Variants in RIPOR2 observed in about 807,000 individuals in gnomAD.
RIPOR2 encodes the protein rho family-interacting cell polarization regulator 2.
Under a neutral mutation model 114.5 loss-of-function variants are expected in RIPOR2, and 39 were observed. The ratio of observed to expected loss-of-function variants is 0.34; its 90% CI spans 0.26 to 0.44. The LOEUF (loss-of-function observed/expected upper bound fraction) is 0.44, where lower values mean the gene tolerates loss of function less well. Ranked by LOEUF, RIPOR2 falls within the 20% of genes least tolerant of loss-of-function variation. RIPOR2 has a pLI of 1.00. For missense variants in RIPOR2, 1,007 were observed against 1,255.1 expected (o/e 0.80, Z 2.99); for synonymous variants, 445 against 484.4 (o/e 0.92, Z 1.07).
chr6:24,980,620 G>C (rs1039747785), intron 1 of RIPOR2, among the ~76,000 whole-genome samples: 4 of 152,204 alleles, frequency 2.6e-5, no homozygotes, highest in Non-Finnish European at 5.9e-5. Context: ...TGTGAATGAG[G>C]AGTCATGTGT....
chr6:24,859,279 A>G (rs1365111351), intron 8 of RIPOR2, among the ~76,000 whole-genome samples: 1 of 152,190 alleles, frequency 6.6e-6, no homozygotes, highest in Non-Finnish European at 1.5e-5. Context: ...GGTGATGTGC[A>G]TGATTTGAAT....
At chr6:24,806,718 A>C (rs904119487) in intron 21 of RIPOR2, among the ~76,000 whole-genome samples, 2 of 152,220 alleles carry the variant, frequency 1.3e-5, no homozygotes, top group African/African-American at 4.8e-5. Context: ...TATGAAACAG[A>C]GTAGAAGTCT....
At chr6:25,017,278 C>T (rs1324090746) in intron 1 of RIPOR2, among the ~76,000 whole-genome samples, 5 of 152,156 alleles carry the variant, frequency 3.3e-5, no homozygotes, top group African/African-American at 1.2e-4. Context: ...ACTGAGATTG[C>T]GCCACTGCAC....
chr6:24,865,406 C>T lies in RIPOR2; in HGVS notation c.546G>A (p.Gln182=), dbSNP rs1764497963. 1.2e-6 allele frequency: 2 copies of T among 1,613,476 alleles called. No individual in the cohort carries two copies. Among genetic ancestry groups the T allele is most frequent in the African/African-American group, 2.7e-5 (2 of 74,922 alleles). The change falls in exon 7 of 22, where the codon CAG becomes CAA. Residue 182 remains glutamine, a synonymous_variant. Coordinates refer to ENST00000643898, the MANE Select transcript of RIPOR2 (RefSeq NM_001286445.3). The part of the protein sequence containing the change: ...YEAYCIQRRL[Q]DGASKMKQAF... The stretch of plus-strand genomic sequence containing the variant: ...CTTGCTTCATTTTGCTGGCACCATC[C>T]TGGAGGCGTCGCTGGATACAATAAG...
chr6:24,927,275 T>TCGC (rs1301167739), intron 1 of RIPOR2, among the ~76,000 whole-genome samples: 1 of 2,546 alleles, frequency 3.9e-4, no homozygotes, highest in African/African-American at 3.5e-3. Flanking sequence ...ACAGCTACAA[T>TCGC]CACCACCACC....
At chr6:24,960,029 A>G (rs1182261987) in intron 1 of RIPOR2, among the ~76,000 whole-genome samples, 3 of 152,194 alleles carry the variant, frequency 2.0e-5, no homozygotes, top group Admixed American at 1.3e-4. Flanking sequence ...AACGTGTTAC[A>G]AGTTCAGGGA....
chr6:25,007,035 A>C (rs1269557618), intron 1 of RIPOR2, among the ~76,000 whole-genome samples: 1 of 152,210 alleles, frequency 6.6e-6, no homozygotes, highest in East Asian at 1.9e-4. Context: ...AGAGTTCTCC[A>C]TAACCAAGGG....
chr6:24,866,756 AAAC>A (rs1764645919), intron 6 of RIPOR2, among the ~76,000 whole-genome samples: 1 of 152,238 alleles, frequency 6.6e-6, no homozygotes, highest in South Asian at 2.1e-4. Context: ...GGCGGATAAC[AAAC>A]AACAATACCA....
At chr6:24,809,690 C>G in intron 21 of RIPOR2, 27 bp downstream of exon 21, 1 of 1,420,986 alleles carries the variant, frequency 7.0e-7, no homozygotes, top group African/African-American at 1.4e-5. Flanking sequence ...AGCAAACAAT[C>G]ATGTAAACAA....
intron 1 of RIPOR2, chr6:25,041,699 A>G (rs1185870018): frequency 5.1e-6 from 3 of 588,084 alleles, no homozygotes; most frequent in South Asian, 2.1e-5. Flanking sequence ...AAAAAATACC[A>G]AAGTCCATTG....
At chr6:24,965,686 G>T (rs1773496673) in intron 1 of RIPOR2, among the ~76,000 whole-genome samples, 1 of 152,024 alleles carries the variant, frequency 6.6e-6, no homozygotes, top group Non-Finnish European at 1.5e-5. Context: ...GCAGATCAAT[G>T]ATTTTTTTAA....
chr6:24,832,151 A>C (rs1243961130), intron 16 of RIPOR2, 105 bp downstream of exon 16: 3 of 1,136,354 alleles, frequency 2.6e-6, no homozygotes, highest in South Asian at 3.3e-5. Flanking sequence ...TGACCTAAGA[A>C]TGCTTTTCTG....
At chr6:25,033,887 G>A (rs534701298) in intron 1 of RIPOR2, among the ~76,000 whole-genome samples, 62 of 151,982 alleles carry the variant, frequency 4.1e-4, no homozygotes, top group African/African-American at 1.5e-3. Flanking sequence ...TTTGACTGAG[G>A]ATATTTAGCC....
intron 1 of RIPOR2, among the ~76,000 whole-genome samples, chr6:25,030,204 A>G (rs1372478519): frequency 6.6e-6 from 1 of 152,144 alleles, no homozygotes; most frequent in Non-Finnish European, 1.5e-5. Flanking sequence ...AATCATATAC[A>G]ATGTCAAAGA....
chr6:24,850,738 C>T lies in RIPOR2; in HGVS notation c.760-16G>A. The T allele has an allele frequency of 6.2e-7, 1 of 1,613,282 alleles. No homozygotes were observed. The highest frequency in any genetic ancestry group is 8.5e-7 in the Non-Finnish European group (1 of 1,179,794). On this transcript the variant is annotated splice_polypyrimidine_tract_variant and intron_variant, in intron 9 of 21. Transcript: ENST00000643898. ...TCATGAAAATCTGGAGAGGAGACAT[C>T]CAAGGGCCTTCATGTCTTGCCACCC...
chr6:24,915,532 T>C (rs547656462), intron 1 of RIPOR2, among the ~76,000 whole-genome samples: 27 of 152,166 alleles, frequency 1.8e-4, no homozygotes, highest in African/African-American at 6.5e-4. Flanking sequence ...TCCCAACTAA[T>C]TTTTGTATTT....
intron 1 of RIPOR2, among the ~76,000 whole-genome samples, chr6:24,988,154 C>T (rs1774617233): frequency 6.6e-6 from 1 of 152,194 alleles, no homozygotes; most frequent in Admixed American, 6.5e-5. Flanking sequence ...TAACTGACCA[C>T]ACTATGGTTA....
intron 1 of RIPOR2, among the ~76,000 whole-genome samples, chr6:24,971,507 G>C (rs554343887): frequency 1.3e-5 from 2 of 152,366 alleles, no homozygotes; most frequent in South Asian, 4.1e-4. Context: ...TTGACTGATA[G>C]TTCAGGATGG....
At chr6:25,022,532 ATTTTTTTTTTTTTTT>A (rs10564019) in intron 1 of RIPOR2, among the ~76,000 whole-genome samples, 4,537 of 41,030 alleles carry the variant, frequency 0.11, 314 homozygotes, top group African/African-American at 0.26. Flanking sequence ...GGTACCTTCC[ATTTTTTTTTTTTTTT>A]TTTTTTTTTT....
Sources: allele counts gnomAD v4.1 joint callset (sites outside exome capture counted in the v4.1 genomes callset), GRCh38; gene constraint gnomAD v4.1.1; transcripts MANE v1.5; gene names NCBI Gene and HGNC (gene_info 2026-07-23, HGNC 2026-07-21).